EML5: variants seen among roughly 807,000 people sequenced by gnomAD.
EML5 encodes the protein EMAP like 5.
In EML5, 120 loss-of-function variants were observed where a neutral mutation model predicts 250.0. The observed-to-expected ratio is 0.48, with a 90% CI of 0.41 to 0.56. The LOEUF is 0.56. EML5 is among the 20% of genes least tolerant of loss of function. The pLI is 0.00. For synonymous variants in EML5, 771 were observed against 806.5 expected (o/e 0.96, Z 0.75); for missense variants, 2,006 against 2,437.6 (o/e 0.82, Z 3.73).
At chr14:88,714,038 A>C (rs1247807953) in intron 9 of EML5, among the ~76,000 whole-genome samples, 2 of 147,600 alleles carry the variant, frequency 1.4e-5, no homozygotes, top group Non-Finnish European at 1.5e-5. Context: ...GGGTTTCGCC[A>C]TGTTGCCCAG....
At position 88,637,019 on chromosome 14, in the gene EML5, C is replaced by T. The variant is rs74075843; in HGVS notation, c.4336+1790G>A. Among the ~76,000 whole-genome samples, 263 of 152,270 alleles carry T rather than the reference C, an allele frequency of 1.7e-3. 1 individual carries two copies. The highest frequency in any genetic ancestry group is 5.9e-3 in the African/African-American group (247 of 41,548). The stretch of plus-strand genomic sequence containing the variant: ...AGTACAAAATCAAACATTTCAATTA[C>T]TCTATGATCTATATGATTTTTAACA... On this transcript the variant is annotated intron_variant, in intron 32 of 43. Coordinates refer to ENST00000554922, the MANE Select transcript of EML5 (RefSeq NM_183387.3).
chr14:88,714,365 G>GT (rs1325641944), intron 9 of EML5, among the ~76,000 whole-genome samples: 11 of 152,160 alleles, frequency 7.2e-5, no homozygotes, highest in Admixed American at 3.9e-4. Context: ...TATAGTAGTA[G>GT]TTGCCAGGGA....
At chr14:88,713,354 T>C (rs992551700) in intron 9 of EML5, among the ~76,000 whole-genome samples, 1 of 151,098 alleles carries the variant, frequency 6.6e-6, no homozygotes, top group East Asian at 2.0e-4. Context: ...AACATGCCAC[T>C]ACACTCCAAC....
chr14:88,741,105 G>C (rs1312049174), intron 4 of EML5, among the ~76,000 whole-genome samples: 6 of 152,160 alleles, frequency 3.9e-5, no homozygotes, highest in Non-Finnish European at 7.3e-5. Context: ...AGAGGTTGCA[G>C]TGAGCCAAGA....
At chr14:88,660,683 C>T (rs995644964) in intron 25 of EML5, among the ~76,000 whole-genome samples, 2 of 151,190 alleles carry the variant, frequency 1.3e-5, no homozygotes, top group African/African-American at 4.9e-5. Flanking sequence ...GTGGAGGTTG[C>T]AGTGAGCCTA....
intron 24 of EML5, among the ~76,000 whole-genome samples, chr14:88,662,737 G>A (rs1471653657): frequency 6.6e-6 from 1 of 151,574 alleles, no homozygotes; most frequent in Non-Finnish European, 1.5e-5. Context: ...TAGAGATGGG[G>A]TTTCAGCATG....
At chr14:88,632,554 T>C (rs996555117) in intron 33 of EML5, among the ~76,000 whole-genome samples, 1 of 152,188 alleles carries the variant, frequency 6.6e-6, no homozygotes. Flanking sequence ...TTCCAGTTTC[T>C]TGATCCAGCC....
At chr14:88,660,568 C>T (rs2092052427) in intron 25 of EML5, among the ~76,000 whole-genome samples, 1 of 151,670 alleles carries the variant, frequency 6.6e-6, no homozygotes, top group African/African-American at 2.4e-5. Flanking sequence ...TGGTAAAACC[C>T]TATCTCTACT....
chr14:88,618,926 T>C (rs1175930644), intron 39 of EML5, 114 bp from the exon 40 acceptor site: 12 of 997,384 alleles, frequency 1.2e-5, no homozygotes, highest in African/African-American at 3.3e-5. Flanking sequence ...AGGCCTCAAA[T>C]AGATTTACCT....
intron 28 of EML5, among the ~76,000 whole-genome samples, chr14:88,649,024 T>C (rs2091492364): frequency 6.6e-6 from 1 of 151,824 alleles, no homozygotes; most frequent in Non-Finnish European, 1.5e-5. Context: ...TAGTGATACC[T>C]TCCTCCCGCC....
chr14:88,730,631 TA>T (rs1249477309), intron 7 of EML5, among the ~76,000 whole-genome samples: 3 of 152,194 alleles, frequency 2.0e-5, no homozygotes, highest in African/African-American at 2.4e-5. Context: ...TAACAGATGT[TA>T]CAGATACTAC....
At chr14:88,717,498 C>G (rs1383604940) in intron 8 of EML5, among the ~76,000 whole-genome samples, 3 of 152,192 alleles carry the variant, frequency 2.0e-5, no homozygotes, top group African/African-American at 7.2e-5. Context: ...GTGGCTCACG[C>G]CTGTAATCCC....
intron 14 of EML5, among the ~76,000 whole-genome samples, chr14:88,698,631 C>T (rs566728062): frequency 9.9e-5 from 15 of 152,188 alleles, no homozygotes; most frequent in Admixed American, 3.3e-4. Flanking sequence ...CAAACCTCTC[C>T]CAAGGTGGTC....
chr14:88,745,167 T>TTGTGTGTGTGTGTGTGTG (rs1555370057), intron 3 of EML5, among the ~76,000 whole-genome samples: 1 of 145,190 alleles, frequency 6.9e-6, no homozygotes, highest in African/African-American at 2.6e-5. Flanking sequence ...AATTGTGTGT[T>TTGTGTGTGTGTGTGTGTG]TGTGTGTGTG....
chr14:88,666,378 C>T (rs143912528), intron 21 of EML5, among the ~76,000 whole-genome samples: 1,563 of 152,202 alleles, frequency 0.01, 25 homozygotes, highest in African/African-American at 0.036. Flanking sequence ...AGGCATGTGC[C>T]ACCAGGCCTG....
chr14:88,623,450 T>A (rs915520430), intron 36 of EML5: 3 of 152,124 alleles, frequency 2.0e-5, no homozygotes, highest in African/African-American at 7.2e-5. Context: ...AGACAGAGTG[T>A]CGCTCTGTCA....
At chr14:88,696,620 T>C (rs932253928) in intron 15 of EML5, among the ~76,000 whole-genome samples, 1 of 152,170 alleles carries the variant, frequency 6.6e-6, no homozygotes, top group African/African-American at 2.4e-5. Context: ...AACAGAAACA[T>C]GTAAATTTTA....
intron 2 of EML5, among the ~76,000 whole-genome samples, chr14:88,748,198 G>C (rs1304344030): frequency 6.6e-6 from 1 of 152,116 alleles, no homozygotes; most frequent in Non-Finnish European, 1.5e-5. Flanking sequence ...AGTAAGATTT[G>C]AGAATATTAA....
intron 32 of EML5, 31 bp downstream of exon 32, chr14:88,638,778 A>T: frequency 6.7e-7 from 1 of 1,493,426 alleles, no homozygotes; most frequent in Non-Finnish European, 9.1e-7. Context: ...AAATGCTTTA[A>T]ATTGTTTCTT....
Sources: gnomAD v4.1 joint callset for allele counts (sites outside exome capture counted in the v4.1 genomes callset) on GRCh38, gnomAD v4.1.1 for gene constraint, MANE v1.5 for transcripts, NCBI Gene and HGNC (gene_info 2026-07-23, HGNC 2026-07-21) for gene names.